CLN8: variants seen among roughly 807,000 people sequenced by gnomAD.
CLN8 encodes the protein protein CLN8.
In CLN8, 14 loss-of-function variants were observed where a neutral mutation model predicts 15.7. That is an observed-to-expected ratio of 0.89 (90% confidence interval 0.59 to 1.39). The LOEUF (loss-of-function observed/expected upper bound fraction) is 1.39, where lower values mean the gene tolerates loss of function less well. Ranked by LOEUF, CLN8 falls within the 40% of genes most tolerant of loss-of-function variation. CLN8 has a pLI of 0.00. For missense variants in CLN8, 415 were observed against 364.0 expected (o/e 1.14, Z -1.14); for synonymous variants, 188 against 151.0 (o/e 1.25, Z -1.80).
rs369504299 is a variant in CLN8 at position 1,772,056 on chromosome 8, C to A, written c.543+459C>A. Among the ~76,000 whole-genome samples, 37 of 152,174 alleles carry A rather than the reference C, an allele frequency of 2.4e-4. No homozygotes were observed. The East Asian group carries it at 5.0e-3, about 21-fold the overall frequency. ...GTTCAAGTGATTCTCCTGCGTCAGC[C>A]TCCCTAGTAGCTAGGACTACAGGTG... On this transcript the variant is annotated intron_variant, in intron 2 of 2. Coordinates refer to ENST00000331222, the MANE Select transcript of CLN8 (RefSeq NM_018941.4).
intron 1 of CLN8, among the ~76,000 whole-genome samples, chr8:1,767,710 C>T (rs976244121): frequency 1.3e-5 from 2 of 150,302 alleles, no homozygotes; most frequent in African/African-American, 4.9e-5. Context: ...TAGCTGGGAT[C>T]ACAGGCATGT....
At chr8:1,774,475 C>G (rs1397222743) in intron 2 of CLN8, among the ~76,000 whole-genome samples, 1 of 152,116 alleles carries the variant, frequency 6.6e-6, no homozygotes, top group Non-Finnish European at 1.5e-5. Context: ...TCTTTTAAAG[C>G]TGATAGATTC....
In CLN8 at chr8:1,784,199, TG is replaced by T. The variant is rs1801776190; in HGVS notation, c.*3633del. 6.6e-6 allele frequency: 1 copy of T among 151,882 alleles called. No homozygotes were observed. The highest frequency in any genetic ancestry group is 2.1e-4 in the South Asian group (1 of 4,812). The allele number at this position is 151,882 out of a possible 1,614,324, so 9.4% of individuals were successfully genotyped here. On this transcript the variant is annotated 3_prime_UTR_variant, in exon 3 of 3. Transcript: ENST00000331222. ...ACTTGGGAGGCTAAGGTAGAAGAAT[TG>T]CTTGAACCTGGGAGGCAGAGATTGC...
chr8:1,763,464 CGCG>C (rs1800875576), upstream of CLN8, among the ~76,000 whole-genome samples: 1 of 1,980 alleles, frequency 5.1e-4, no homozygotes, highest in African/African-American at 2.9e-3. Flanking sequence ...CGCCCCCCGC[CGCG>C]CCCCGCCCCC....
At chr8:1,753,072 C>A (rs1438774958), upstream of CLN8, among the ~76,000 whole-genome samples, 1 of 152,206 alleles carries the variant, frequency 6.6e-6, no homozygotes, top group East Asian at 1.9e-4. Context: ...AAAGATCTTC[C>A]TCTGAGTTAG....
chr8:1,757,510 AG>A (rs1800700099), intron 1 of CLN8, among the ~76,000 whole-genome samples: 2 of 152,040 alleles, frequency 1.3e-5, no homozygotes, highest in Admixed American at 1.3e-4. Context: ...GCACAGTCTC[AG>A]TTCACTGCAA....
chr8:1,760,988 ACAT>A (rs1800782088), upstream of CLN8, among the ~76,000 whole-genome samples: 1 of 149,982 alleles, frequency 6.7e-6, no homozygotes, highest in South Asian at 2.1e-4. Context: ...GTGCGTAACT[ACAT>A]CTAAGCATGA....
chr8:1,774,644 G>C lies in CLN8; in HGVS notation c.543+3047G>C, dbSNP rs185351767. On this transcript the variant is annotated intron_variant, in intron 2 of 2. Coordinates refer to ENST00000331222, the MANE Select transcript of CLN8 (RefSeq NM_018941.4). ...TTCTTCGTATTTCTGTCTTAGATTT[G>C]GTTCTACTATTTATCCACAGACTCA... Among the ~76,000 whole-genome samples the C allele has an allele frequency of 2.4e-3, 360 of 152,156 alleles. 3 individuals are homozygous for C. The highest frequency in any genetic ancestry group is 8.4e-3 in the African/African-American group (349 of 41,518).
chr8:1,778,394 T>G (rs977382070), intron 2 of CLN8, among the ~76,000 whole-genome samples: 1 of 152,264 alleles, frequency 6.6e-6, no homozygotes, highest in Non-Finnish European at 1.5e-5. Context: ...CATCCGGAAC[T>G]GACAGCCATA....
rs751170444 is a variant in CLN8 at position 1,771,283 on chromosome 8, A to G, written c.229A>G (p.Ser77Gly). The G allele has an allele frequency of 5.0e-6, 8 of 1,613,996 alleles. No homozygotes were observed. In the East Asian group the frequency reaches 1.8e-4, roughly 36 times the overall value. Reference protein sequence around the residue: ...AATRAVFGVQSTAAGLWALLG... With the variant: ...AATRAVFGVQGTAAGLWALLG... Reference sequence around the variant, plus strand: ...CACGCGTGCAGTCTTTGGTGTTCAGAGCACAGCCGCAGGCCTGTGGGCTCT... The same window carrying G: ...CACGCGTGCAGTCTTTGGTGTTCAGGGCACAGCCGCAGGCCTGTGGGCTCT... The change falls in exon 2 of 3, where the codon AGC becomes GGC. Residue 77 changes from serine to glycine, a missense_variant. Physicochemically the swap from Ser to Gly is moderately conservative, Grantham distance 56 (BLOSUM62 0). Coordinates refer to ENST00000331222, the MANE Select transcript of CLN8 (RefSeq NM_018941.4).
intron 2 of CLN8, among the ~76,000 whole-genome samples, chr8:1,778,029 C>G (rs1026136522): frequency 6.6e-6 from 1 of 152,236 alleles, no homozygotes; most frequent in Non-Finnish European, 1.5e-5. Context: ...TCCAGCCTCA[C>G]CTGGGTGTGG....
At chr8:1,758,370 G>A (rs1585117960) in intron 1 of CLN8, 2 of 152,242 alleles carry the variant, frequency 1.3e-5, no homozygotes, top group Middle Eastern at 3.4e-3. Context: ...TTTATTCTGA[G>A]CCAAATATGA....
At chr8:1,768,703 A>T (rs1801178792) in intron 1 of CLN8, among the ~76,000 whole-genome samples, 1 of 152,136 alleles carries the variant, frequency 6.6e-6, no homozygotes, top group Non-Finnish European at 1.5e-5. Context: ...TAATGCTGGT[A>T]AGCGGTCTCC....
At position 1,785,067 on chromosome 8, in the gene CLN8, C is replaced by T. The variant is rs1801795911; in HGVS notation, c.*4500C>T. 6.5e-6 allele frequency: 1 copy of T among 152,800 alleles called. No individual in the cohort carries two copies. Among genetic ancestry groups the T allele is most frequent in the African/African-American group, 2.4e-5 (1 of 41,470 alleles). The allele number at this position is 152,800 out of a possible 1,614,324, so 9.5% of individuals were successfully genotyped here. Reference sequence around the variant, plus strand: ...AAAGTTTCCTCCATTATGTGCGTGTCAAGTGTTTGACCAGGTCAGAACTCT... The same window carrying T: ...AAAGTTTCCTCCATTATGTGCGTGTTAAGTGTTTGACCAGGTCAGAACTCT... On this transcript the variant is annotated 3_prime_UTR_variant, in exon 3 of 3. Coordinates refer to ENST00000331222, the MANE Select transcript of CLN8 (RefSeq NM_018941.4).
chr8:1,772,376 T>G (rs1563108957), intron 2 of CLN8, among the ~76,000 whole-genome samples: 1 of 152,250 alleles, frequency 6.6e-6, no homozygotes, highest in Non-Finnish European at 1.5e-5. Flanking sequence ...GCACTTTCTT[T>G]CTGTTTTTGA....
At position 1,771,352 on chromosome 8, in the gene CLN8, C is replaced by G. The variant is rs761348135; in HGVS notation, c.298C>G (p.Gln100Glu). ...VLHADKARGQ[Q>E]NWCWFHITTA... The stretch of plus-strand genomic sequence containing the variant: ...GCATGCCGACAAGGCGCGTGGCCAG[C>G]AGAACTGGTGCTGGTTTCACATCAC... Residue 100 changes from glutamine (Q) to glutamate (E), a missense_variant, in exon 2 of 3, where the codon CAG (glutamine) becomes GAG (glutamate). Coordinates refer to ENST00000331222, the MANE Select transcript of CLN8 (RefSeq NM_018941.4). 1 of 1,614,204 alleles carries G rather than the reference C, an allele frequency of 6.2e-7. No individual in the cohort carries two copies. The highest frequency in any genetic ancestry group is 8.5e-7 in the Non-Finnish European group (1 of 1,180,034).
chr8:1,756,256 G>C (rs912420101), intron 1 of CLN8, among the ~76,000 whole-genome samples: 11 of 152,164 alleles, frequency 7.2e-5, no homozygotes, highest in Non-Finnish European at 2.9e-5. Flanking sequence ...GGCTGAGGCA[G>C]GCGGATCATG....
intron 1 of CLN8, among the ~76,000 whole-genome samples, chr8:1,756,310 C>G (rs7463876): frequency 6.6e-6 from 1 of 151,774 alleles, no homozygotes; most frequent in African/African-American, 2.4e-5. Context: ...AGTAAAACCC[C>G]GTCTGTACTA....
upstream of CLN8, chr8:1,762,839 A>G (rs1800834182): frequency 6.6e-6 from 1 of 152,198 alleles, no homozygotes; most frequent in South Asian, 2.1e-4. Context: ...CCCAGTGCAG[A>G]TGCTCTGTAT....
Sources: gnomAD v4.1 joint callset for allele counts (sites outside exome capture counted in the v4.1 genomes callset) on GRCh38, gnomAD v4.1.1 for gene constraint, MANE v1.5 for transcripts, NCBI Gene and HGNC (gene_info 2026-07-23, HGNC 2026-07-21) for gene names.